The following LPCAT1 variants were observed in gnomAD, a reference collection of about 807,000 sequenced individuals.
The protein encoded by LPCAT1 is lysophosphatidylcholine acyltransferase 1.
A neutral mutation model predicts 60.9 loss-of-function variants in LPCAT1; 23 were observed. That is an observed-to-expected ratio of 0.38 (90% CI 0.27 to 0.53). The LOEUF (loss-of-function observed/expected upper bound fraction) is 0.53. Among genes scored for constraint, LPCAT1 ranks in the 20% least tolerant of loss-of-function variants. LPCAT1 has a pLI of 0.82. For missense variants in LPCAT1, 622 were observed against 723.6 expected (o/e 0.86, Z 1.61); for synonymous variants, 340 against 301.1 (o/e 1.13, Z -1.34).
At chr5:1,517,145 G>A (rs1379110502) in intron 1 of LPCAT1, among the ~76,000 whole-genome samples, 1 of 152,212 alleles carries the variant, frequency 6.6e-6, no homozygotes, top group Admixed American at 6.5e-5. Context: ...CACTGGAAAT[G>A]CTGGAAACAG....
intron 11 of LPCAT1, among the ~76,000 whole-genome samples, chr5:1,471,380 C>T (rs1414206604): frequency 1.1e-4 from 16 of 152,244 alleles, no homozygotes; most frequent in East Asian, 9.6e-4. Flanking sequence ...GTCAGCCCCG[C>T]GCTGACCATT....
intron 1 of LPCAT1, among the ~76,000 whole-genome samples, chr5:1,518,725 T>C (rs1736583853): frequency 6.6e-6 from 1 of 152,228 alleles, no homozygotes; most frequent in African/African-American, 2.4e-5. Flanking sequence ...AGAACCCACA[T>C]GGCCCTGTGT....
intron 2 of LPCAT1, among the ~76,000 whole-genome samples, chr5:1,499,144 G>A (rs1408863142): frequency 6.6e-6 from 1 of 152,216 alleles, no homozygotes; most frequent in Admixed American, 6.5e-5. Context: ...TTTATCGCCT[G>A]TTGAAGCCAA....
chr5:1,476,885 G>A lies in LPCAT1; in HGVS notation c.899+519C>T, dbSNP rs1467773287. Among the ~76,000 whole-genome samples, 1 of 152,140 alleles carries A rather than the reference G, an allele frequency of 6.6e-6. No homozygotes were observed. Among genetic ancestry groups the A allele is most frequent in the Non-Finnish European group, 1.5e-5 (1 of 68,018 alleles). On this transcript the variant is annotated intron_variant, in intron 9 of 13. Coordinates refer to ENST00000283415, the MANE Select transcript of LPCAT1 (RefSeq NM_024830.5). The surrounding 1 kb of genome is among the most constrained non-coding windows in gnomAD (Gnocchi z 8.6). ...GCCGACAGCACTGCCGGCCATGCAA[G>A]CAGGGGACCTGGGACCATGGGAAGC...
chr5:1,488,585 G>A (rs1579783902), intron 4 of LPCAT1, 134 bp from the exon 5 acceptor site: 43 of 601,596 alleles, frequency 7.1e-5, no homozygotes, highest in South Asian at 4.8e-4. Context: ...TATTCAGTAC[G>A]TAAATTATTA....
At chr5:1,501,218 T>G (rs1416078985) in intron 2 of LPCAT1, among the ~76,000 whole-genome samples, 2 of 152,086 alleles carry the variant, frequency 1.3e-5, no homozygotes, top group Non-Finnish European at 2.9e-5. Flanking sequence ...TGGCCACACA[T>G]CCTGCAGACC....
chr5:1,468,572 G>A (rs1256249260), intron 12 of LPCAT1, among the ~76,000 whole-genome samples: 2 of 151,876 alleles, frequency 1.3e-5, no homozygotes, highest in Non-Finnish European at 1.5e-5. Context: ...GGGAAACGCA[G>A]AGGTAGGACT....
chr5:1,467,677 T>C (rs1046157291), intron 12 of LPCAT1, among the ~76,000 whole-genome samples: 1 of 151,438 alleles, frequency 6.6e-6, no homozygotes, highest in African/African-American at 2.4e-5. Flanking sequence ...ACACTTCGGC[T>C]CCCTGTGGGG....
rs113471700 is a variant in LPCAT1 at position 1,463,605 on chromosome 5, G to A, written c.*46C>T. The A allele has an allele frequency of 1.9e-6, 3 of 1,599,552 alleles. No individual in the cohort carries two copies. In the East Asian group the frequency reaches 6.7e-5, roughly 36 times the overall value. ...GTCACTCGCAAAGAGGCTCATGGCG[G>A]TGATGTCCACGCGGGAGGGGCCGCG... On this transcript the variant is annotated 3_prime_UTR_variant, in exon 14 of 14. Transcript: ENST00000283415.
In LPCAT1 at chr5:1,463,325, T is replaced by C; in HGVS notation, c.*326A>G. On this transcript the variant is annotated 3_prime_UTR_variant, in exon 14 of 14. Transcript: ENST00000283415. ...TGCACGCTGCCGCCGGAAGAGGCTG[T>C]GACAGAGACTCGAAACCAGGGCCCC... 6.6e-6 allele frequency: 2 copies of C among 300,884 alleles called. No homozygotes were observed. Among genetic ancestry groups the C allele is most frequent in the Non-Finnish European group, 1.2e-5 (2 of 160,802 alleles). 18.6% of individuals were successfully genotyped at this position (300,884 alleles called of 1,614,324 possible). A position where few individuals can be genotyped will look rare whatever the true frequency, so the allele number is the denominator to read the frequency against.
In LPCAT1 at chr5:1,482,702, T is replaced by TG. The variant is rs1735207297; in HGVS notation, c.726+725dup. 1.7e-4 allele frequency among the ~76,000 whole-genome samples: 4 copies of TG among 23,630 alleles called. No homozygotes were observed. In the South Asian group the frequency reaches 6.2e-3, roughly 37 times the overall value. The allele number at this position is 23,630 out of a possible 152,430, so 15.5% of individuals were successfully genotyped here. ...GGTGGGGCAGGGGGGTGGGGTGTGA[T>TG]GGGCCAGGGCAGGCTGGGGTGGGGT... On this transcript the variant is annotated intron_variant, in intron 6 of 13. Transcript: ENST00000283415.
In LPCAT1 at chr5:1,521,663, G is replaced by A. The variant is rs1736681643; in HGVS notation, c.135+2047C>T. Among the ~76,000 whole-genome samples the A allele has an allele frequency of 6.6e-6, 1 of 152,174 alleles. No homozygotes were observed. Among genetic ancestry groups the A allele is most frequent in the East Asian group, 1.9e-4 (1 of 5,196 alleles). On this transcript the variant is annotated intron_variant, in intron 1 of 13. Coordinates refer to ENST00000283415, the MANE Select transcript of LPCAT1 (RefSeq NM_024830.5). The surrounding 1 kb of genome is among the most constrained non-coding windows in gnomAD (Gnocchi z 4.3). ...ACCTAATTCCTCAGATGGAACCTCTGAAGTGGCAACAAAGCAAGCCCCCTC... is the reference window on the plus strand; with the variant it reads ...ACCTAATTCCTCAGATGGAACCTCTAAAGTGGCAACAAAGCAAGCCCCCTC...
intron 4 of LPCAT1, among the ~76,000 whole-genome samples, chr5:1,489,031 T>C (rs1735471702): frequency 6.6e-6 from 1 of 152,206 alleles, no homozygotes; most frequent in African/African-American, 2.4e-5. Flanking sequence ...CCCCGCAGGC[T>C]GCTTTCAGTT....
chr5:1,517,597 TGAA>T (rs1208047626), intron 1 of LPCAT1, among the ~76,000 whole-genome samples: 1 of 152,094 alleles, frequency 6.6e-6, no homozygotes, highest in African/African-American at 2.4e-5. Context: ...GCCCGGCTCC[TGAA>T]GCAGGGCTCC....
chr5:1,471,893 G>A (rs1734685331), intron 11 of LPCAT1, among the ~76,000 whole-genome samples: 1 of 149,238 alleles, frequency 6.7e-6, no homozygotes, highest in Non-Finnish European at 1.5e-5. Flanking sequence ...GAGAGAGCAA[G>A]AGAAGATGAG....
In LPCAT1 at chr5:1,508,004, C is replaced by T. The variant is rs112866916; in HGVS notation, c.136-6401G>A. ...CACGCACCAGAGGCCCGAGGGAGCT[C>T]GTTCACCCCTCCACCTTGCGAGGAC... On this transcript the variant is annotated intron_variant, in intron 1 of 13. Transcript: ENST00000283415. Among the ~76,000 whole-genome samples, 557 of 152,310 alleles carry T rather than the reference C, an allele frequency of 3.7e-3. 3 individuals are homozygous for T. Among genetic ancestry groups the T allele is most frequent in the African/African-American group, 0.013 (526 of 41,560 alleles).
chr5:1,523,896 G>C lies in LPCAT1; in HGVS notation c.-52C>G, dbSNP rs1016647237. ...GCCGAGCTGCCTGGGGCGCCGAGCGGGGCCGGGGCTAGCTGGGCGCGGGTC... is the reference window on the plus strand; with the variant it reads ...GCCGAGCTGCCTGGGGCGCCGAGCGCGGCCGGGGCTAGCTGGGCGCGGGTC... On this transcript the variant is annotated 5_prime_UTR_variant, in exon 1 of 14. Transcript: ENST00000283415. This position sits in a 1 kb window ranked among gnomAD's most constrained non-coding sequence, Gnocchi z 7.1. 4 of 1,017,708 alleles carry C rather than the reference G, an allele frequency of 3.9e-6. No homozygotes were observed. The highest frequency in any genetic ancestry group is 3.5e-6 in the Non-Finnish European group (3 of 852,384). 63.0% of individuals were successfully genotyped at this position (1,017,708 alleles called of 1,614,324 possible).
At chr5:1,478,078 A>G (rs1464173524) in intron 8 of LPCAT1, among the ~76,000 whole-genome samples, 1 of 152,296 alleles carries the variant, frequency 6.6e-6, no homozygotes, top group African/African-American at 2.4e-5. Flanking sequence ...TAATGGGGAT[A>G]ATGCAGCACG....
rs141015482 is a variant in LPCAT1 at position 1,499,716 on chromosome 5, C to A, written c.278+1745G>T. Among the ~76,000 whole-genome samples the A allele has an allele frequency of 2.8e-3, 426 of 152,328 alleles. 3 individuals are homozygous for A. The highest frequency in any genetic ancestry group is 0.017 in the Middle Eastern group (5 of 294). On this transcript the variant is annotated intron_variant, in intron 2 of 13. Transcript: ENST00000283415. ...ACTCAGCAGGGCCCAGAGTGAGGGA[C>A]CCCCAACGCCCAGGCTGCCCTCTCC... is the stretch of plus-strand genomic sequence containing the variant.
Sources: gnomAD v4.1 joint callset for allele counts (sites outside exome capture counted in the v4.1 genomes callset) on GRCh38, gnomAD v4.1.1 for gene constraint, Gnocchi (gnomAD v3.1) non-coding constraint, MANE v1.5 for transcripts, NCBI Gene and HGNC (gene_info 2026-07-23, HGNC 2026-07-21) for gene names.